Variants in ANKRD36C observed in about 807,000 individuals in gnomAD.
The protein encoded by ANKRD36C is ankyrin repeat domain-containing protein 36C.
Under a neutral mutation model 276.4 loss-of-function variants are expected in ANKRD36C, and 61 were observed. The observed-to-expected ratio is 0.22, with a 90% confidence interval of 0.18 to 0.27. The LOEUF (loss-of-function observed/expected upper bound fraction) is 0.27, where lower values mean the gene tolerates loss of function less well. Ranked by LOEUF, ANKRD36C falls within the 10% of genes least tolerant of loss-of-function variation. ANKRD36C has a pLI of 1.00. For synonymous variants in ANKRD36C, 483 were observed against 680.1 expected (o/e 0.71, Z 4.51); for missense variants, 1,447 against 2,032.3 (o/e 0.71, Z 5.54).
At chr2:95,982,458 C>A (rs1344026651) in intron 3 of ANKRD36C, 96 bp from the exon 4 acceptor site, 2 of 1,079,126 alleles carry the variant, frequency 1.9e-6, no homozygotes, top group African/African-American at 3.3e-5. Flanking sequence ...TCAATATATA[C>A]AATTGAAAGG....
At chr2:95,912,434 C>T (rs1180174620) in exon 41 of ANKRD36C, 1 of 1,605,036 alleles carries the variant, frequency 6.2e-7, no homozygotes, top group Non-Finnish European at 8.5e-7. Flanking sequence ...TCCGAGAAGA[C>T]ACTGAAAAGC....
chr2:95,987,946 T>A (rs766614204), intron 1 of ANKRD36C, among the ~76,000 whole-genome samples: 2 of 152,040 alleles, frequency 1.3e-5, no homozygotes, highest in Admixed American at 6.5e-5. Context: ...TATATTAACA[T>A]CTCCTAACAT....
chr2:95,894,679 C>T (rs367853774), intron 44 of ANKRD36C, among the ~76,000 whole-genome samples: 6 of 150,114 alleles, frequency 4.0e-5, no homozygotes, highest in South Asian at 2.1e-4. Flanking sequence ...TTCATATTCA[C>T]GTTTATCTCA....
chr2:95,949,680 A>G (rs2104481341), intron 16 of ANKRD36C, among the ~76,000 whole-genome samples: 1 of 152,398 alleles, frequency 6.6e-6, no homozygotes, highest in South Asian at 2.1e-4. Context: ...ACCTGAGTGC[A>G]ATTCTCATTT....
At chr2:95,875,707 A>T (rs1459142462) in intron 59 of ANKRD36C, among the ~76,000 whole-genome samples, 6 of 152,158 alleles carry the variant, frequency 3.9e-5, no homozygotes, top group Admixed American at 6.5e-5. Flanking sequence ...AAGAAAAGCA[A>T]ATTCTTACAT....
exon 32 of ANKRD36C, chr2:95,923,508 T>C (rs746352699): frequency 1.7e-4 from 268 of 1,610,984 alleles, no homozygotes; most frequent in Non-Finnish European, 2.1e-4. Flanking sequence ...TCCCACATTG[T>C]AGTCCATCCT....
At chr2:95,873,515 T>C (rs1290492370) in intron 59 of ANKRD36C, among the ~76,000 whole-genome samples, 2 of 152,194 alleles carry the variant, frequency 1.3e-5, no homozygotes, top group Non-Finnish European at 2.9e-5. Context: ...ATGGGATGTA[T>C]TTCAAAATAA....
chr2:95,924,990 G>C (rs1677364540), intron 30 of ANKRD36C, among the ~76,000 whole-genome samples: 1 of 151,480 alleles, frequency 6.6e-6, no homozygotes, highest in Admixed American at 6.6e-5. Context: ...TCTGGTTTTA[G>C]CAGTACCATC....
intron 6 of ANKRD36C, among the ~76,000 whole-genome samples, chr2:95,965,470 A>C (rs567484797): frequency 4.6e-5 from 7 of 152,102 alleles, no homozygotes; most frequent in African/African-American, 9.7e-5. Flanking sequence ...AAAGCACACA[A>C]TGGATTTTCT....
In ANKRD36C at chr2:95,981,881, C is replaced by T. The variant is rs572330520; in HGVS notation, c.593+375G>A. Among the ~76,000 whole-genome samples, 53 of 152,164 alleles carry T rather than the reference C, an allele frequency of 3.5e-4. 1 individual carries two copies. The East Asian group carries it at 0.01, about 29-fold the overall frequency. Reference sequence around the variant, plus strand: ...ATCAAAACACAGTAGAAATGAAAAACTAACATGAAACCCCTTTAGCTAATG... The same window carrying T: ...ATCAAAACACAGTAGAAATGAAAAATTAACATGAAACCCCTTTAGCTAATG... On this transcript the variant is annotated intron_variant, in intron 4 of 66. Transcript: ENST00000456556.
chr2:95,892,146 G>A (rs527750870), intron 44 of ANKRD36C, among the ~76,000 whole-genome samples: 1 of 151,686 alleles, frequency 6.6e-6, no homozygotes, highest in African/African-American at 2.4e-5. Context: ...GTCGAGTGAT[G>A]AGGACAAAGT....
At position 95,912,455 on chromosome 2, in the gene ANKRD36C, C is replaced by T. The variant is rs1215947120; in HGVS notation, c.2552-20G>A. The T allele has an allele frequency of 1.9e-6, 3 of 1,604,696 alleles. No homozygotes were observed. Among genetic ancestry groups the T allele is most frequent in the Non-Finnish European group, 2.5e-6 (3 of 1,177,640 alleles). ...AAGACACTGAAAAGCAAAAGGGATA[C>T]ATAATCACTCACACGTAAATATGAT... On this transcript the variant is annotated intron_variant, in intron 40 of 66. Transcript: ENST00000456556.
chr2:95,980,935 T>A (rs2104535590), intron 4 of ANKRD36C, 150 bp from the exon 5 acceptor site: 1 of 1,223,568 alleles, frequency 8.2e-7, no homozygotes, highest in Middle Eastern at 3.0e-4. Context: ...CAAGGGTATA[T>A]CTTTGCAAGT....
intron 44 of ANKRD36C, among the ~76,000 whole-genome samples, chr2:95,892,420 T>C (rs1390983608): frequency 6.6e-6 from 1 of 151,552 alleles, no homozygotes; most frequent in East Asian, 1.9e-4. Flanking sequence ...ACCTCGTAGA[T>C]AATATTCATT....
Position 95,919,714 on chromosome 2 carries a change from A to T in ANKRD36C, c.2246-1672T>A. 2.3e-6 allele frequency: 2 copies of T among 852,800 alleles called. 1 individual carries two copies. Among genetic ancestry groups the T allele is most frequent in the Non-Finnish European group, 2.8e-6 (2 of 718,924 alleles). The allele number at this position is 852,800 out of a possible 1,614,324, so 52.8% of individuals were successfully genotyped here. The stretch of plus-strand genomic sequence containing the variant: ...TTTATCTGGATTGAACATGACATTG[A>T]ATGTGTTTTGCAAATTACCTGTCTC... On this transcript the variant is annotated intron_variant, in intron 34 of 66. Coordinates refer to ENST00000456556, the Ensembl canonical transcript of ANKRD36C.
intron 42 of ANKRD36C, among the ~76,000 whole-genome samples, chr2:95,908,968 G>A (rs1415648082): frequency 6.6e-6 from 1 of 151,092 alleles, no homozygotes; most frequent in Non-Finnish European, 1.5e-5. Context: ...TATCAACGTG[G>A]ATATGCCGAG....
intron 36 of ANKRD36C, 79 bp downstream of exon 38, chr2:95,917,776 C>G: frequency 6.6e-7 from 1 of 1,513,092 alleles, no homozygotes; most frequent in Admixed American, 2.2e-5. Context: ...CCCAACCGCC[C>G]TCCGCTGATT....
exon 63 of ANKRD36C, chr2:95,855,812 T>A (rs767722935): frequency 4.3e-6 from 7 of 1,613,922 alleles, no homozygotes; most frequent in Non-Finnish European, 5.9e-6. Flanking sequence ...CTCTTTTTGA[T>A]GAGTGACTTT....
At chr2:95,853,812 C>T (rs78342264) in exon 64 of ANKRD36C, 20 of 1,608,086 alleles carry the variant, frequency 1.2e-5, no homozygotes, top group East Asian at 2.2e-5. Context: ...TGTTGCTGAT[C>T]GTTTGTTTAA....
Sources: gnomAD v4.1 joint callset for allele counts (sites outside exome capture counted in the v4.1 genomes callset) on GRCh38, gnomAD v4.1.1 for gene constraint, MANE v1.5 for transcripts, NCBI Gene and HGNC (gene_info 2026-07-23, HGNC 2026-07-21) for gene names.